Variants in CFAP20DC observed in about 807,000 individuals in gnomAD.
CFAP20DC encodes the protein protein CFAP20DC.
A neutral mutation model predicts 101.7 loss-of-function variants in CFAP20DC; 84 were observed. The observed-to-expected ratio is 0.83, with a 90% CI of 0.69 to 0.99. CFAP20DC has a LOEUF of 0.99. Among genes scored for constraint, CFAP20DC ranks in the 50% least tolerant of loss-of-function variants. The pLI, the probability that CFAP20DC is intolerant of heterozygous loss-of-function variation, is 0.00. For missense variants in CFAP20DC, 1,007 were observed against 970.3 expected (o/e 1.04, Z -0.50); for synonymous variants, 359 against 351.2 (o/e 1.02, Z -0.25).
intron 4 of CFAP20DC, among the ~76,000 whole-genome samples, chr3:59,032,027 T>C (rs763699401): frequency 9.9e-5 from 15 of 152,144 alleles, no homozygotes; most frequent in Non-Finnish European, 2.1e-4. Context: ...GGTTGTACAA[T>C]GGGTGCAGCC....
In CFAP20DC at chr3:59,047,192, G is replaced by A; in HGVS notation, c.84C>T (p.Ile28=). The change falls in exon 2 of 17, where the codon ATC becomes ATT. Residue 28 remains isoleucine (I), a synonymous_variant. Transcript: ENST00000482387. ...TCCAAATCACAGATGGACTACCAAG[G>A]ATCTTCCATTTTGCTCCAGGATTTT... ...QGKNPGAKWK[I]LGSPSVIWKE... 6.5e-7 allele frequency: 1 copy of A among 1,534,998 alleles called. No individual in the cohort carries two copies. The highest frequency in any genetic ancestry group is 8.7e-7 in the Non-Finnish European group (1 of 1,146,050).
At chr3:58,885,689 C>T (rs2081569425) in intron 6 of CFAP20DC, among the ~76,000 whole-genome samples, 1 of 151,108 alleles carries the variant, frequency 6.6e-6, no homozygotes, top group Non-Finnish European at 1.5e-5. Flanking sequence ...TTAAAGCTTC[C>T]ACACGAGTGA....
rs1207072182 is a variant in CFAP20DC at position 58,981,814 on chromosome 3, A to G, written c.279-44052T>C. On this transcript the variant is annotated intron_variant, in intron 4 of 16. Transcript: ENST00000482387. ...AGGCATGGGCAAGGACTTCATGTCTAAAACACCAAAAGCAATGGCAACAAA... is the reference window on the plus strand; with the variant it reads ...AGGCATGGGCAAGGACTTCATGTCTGAAACACCAAAAGCAATGGCAACAAA... Among the ~76,000 whole-genome samples the G allele has an allele frequency of 1.1e-4, 16 of 152,272 alleles. No homozygotes were observed. The East Asian group carries it at 2.5e-3, about 24-fold the overall frequency.
chr3:58,807,304 G>C (rs542467012), intron 14 of CFAP20DC, among the ~76,000 whole-genome samples: 122 of 152,282 alleles, frequency 8.0e-4, no homozygotes, highest in Middle Eastern at 3.4e-3. Context: ...CAGCCTAACT[G>C]GGAGGCACCC....
intron 6 of CFAP20DC, among the ~76,000 whole-genome samples, chr3:58,888,489 C>T (rs1316573083): frequency 6.6e-6 from 1 of 151,930 alleles, no homozygotes. Context: ...CAAGGTGGCT[C>T]GCTGCACAGA....
At position 58,863,925 on chromosome 3, in the gene CFAP20DC, C is replaced by A; in HGVS notation, c.1259-33G>T. ...TTGGAAAAGATGACAAAAATTAGAG[C>A]AGTAATCCATAAAAGTGTTATTTTT... On this transcript the variant is annotated intron_variant, in intron 11 of 16. Coordinates refer to ENST00000482387, the MANE Select transcript of CFAP20DC (RefSeq NM_001394063.1). The surrounding 1 kb of genome is among the most constrained non-coding windows in gnomAD (Gnocchi z 5.9). The A allele has an allele frequency of 3.2e-6, 5 of 1,562,904 alleles. No homozygotes were observed. The highest frequency in any genetic ancestry group is 4.3e-6 in the Non-Finnish European group (5 of 1,156,782).
At chr3:58,746,908 T>A (rs558867828) in intron 16 of CFAP20DC, among the ~76,000 whole-genome samples, 1 of 152,276 alleles carries the variant, frequency 6.6e-6, no homozygotes, top group South Asian at 2.1e-4. Flanking sequence ...GTAATGAAAT[T>A]ATAATATCAT....
Position 58,985,457 on chromosome 3 carries a change from C to A in CFAP20DC, c.279-47695G>T, listed in dbSNP as rs2092719249. On this transcript the variant is annotated intron_variant, in intron 4 of 16. Coordinates refer to ENST00000482387, the MANE Select transcript of CFAP20DC (RefSeq NM_001394063.1). ...AACACATCTTTAGAAAAATAACCAG[C>A]AATGTTATCTTCCTAATTCATAAAA... 2.0e-5 allele frequency among the ~76,000 whole-genome samples: 3 copies of A among 152,096 alleles called. No homozygotes were observed. The South Asian group carries it at 6.2e-4, about 32-fold the overall frequency.
chr3:58,819,319 C>CA (rs1283971511), intron 14 of CFAP20DC, among the ~76,000 whole-genome samples: 1 of 151,968 alleles, frequency 6.6e-6, no homozygotes, highest in Non-Finnish European at 1.5e-5. Context: ...AATAGAGACA[C>CA]AAAAAACCCT....
At chr3:59,016,312 G>A (rs1052285082) in intron 4 of CFAP20DC, among the ~76,000 whole-genome samples, 1 of 152,062 alleles carries the variant, frequency 6.6e-6, no homozygotes, top group Non-Finnish European at 1.5e-5. Flanking sequence ...GAAAGATGTT[G>A]TCACTCATAT....
intron 4 of CFAP20DC, among the ~76,000 whole-genome samples, chr3:58,981,588 G>C (rs1042370339): frequency 2.1e-4 from 32 of 152,266 alleles, no homozygotes; most frequent in African/African-American, 7.2e-4. Flanking sequence ...ACAAACCTGA[G>C]AAAAACAAGC....
At chr3:58,956,319 C>G (rs965386558) in intron 4 of CFAP20DC, among the ~76,000 whole-genome samples, 2 of 151,876 alleles carry the variant, frequency 1.3e-5, no homozygotes, top group Non-Finnish European at 2.9e-5. Flanking sequence ...AGGGTGAGTC[C>G]CAGACCAGGC....
intron 13 of CFAP20DC, among the ~76,000 whole-genome samples, chr3:58,847,317 A>C (rs200651091): frequency 0.077 from 11,387 of 147,658 alleles, 520 homozygotes; most frequent in East Asian, 0.22. Context: ...ACAAATTTAC[A>C]AGAAAAAAAC....
At chr3:58,994,048 A>G (rs1248078247) in intron 4 of CFAP20DC, among the ~76,000 whole-genome samples, 1 of 152,196 alleles carries the variant, frequency 6.6e-6, no homozygotes, top group Non-Finnish European at 1.5e-5. Context: ...CACCAACTTC[A>G]TGGTGAATTT....
chr3:58,999,437 C>G (rs905553704), intron 4 of CFAP20DC, among the ~76,000 whole-genome samples: 1 of 152,138 alleles, frequency 6.6e-6, no homozygotes, highest in Non-Finnish European at 1.5e-5. Flanking sequence ...CACTGACTAT[C>G]TGAATGTAAC....
At chr3:58,954,802 T>C (rs1436002999) in intron 4 of CFAP20DC, among the ~76,000 whole-genome samples, 1 of 152,220 alleles carries the variant, frequency 6.6e-6, no homozygotes, top group Non-Finnish European at 1.5e-5. Context: ...TTTCTTTTTT[T>C]AATGGTTAAC....
chr3:58,946,604 C>T (rs2089401264), intron 4 of CFAP20DC, among the ~76,000 whole-genome samples: 1 of 152,180 alleles, frequency 6.6e-6, no homozygotes, highest in Non-Finnish European at 1.5e-5. Context: ...TCGCCTGTCA[C>T]CACATTCCTG....
chr3:58,946,633 T>G (rs1415184940), intron 4 of CFAP20DC, among the ~76,000 whole-genome samples: 1 of 152,166 alleles, frequency 6.6e-6, no homozygotes, highest in Non-Finnish European at 1.5e-5. Flanking sequence ...CCTCTGCTCC[T>G]GTCAAACCCC....
intron 13 of CFAP20DC, among the ~76,000 whole-genome samples, chr3:58,839,193 G>C (rs184517149): frequency 6.6e-6 from 1 of 152,248 alleles, no homozygotes; most frequent in Non-Finnish European, 1.5e-5. Context: ...AGTGGCAAGA[G>C]AAGTTGTCAC....
Sources: gnomAD v4.1 joint callset for allele counts (sites outside exome capture counted in the v4.1 genomes callset) on GRCh38, gnomAD v4.1.1 for gene constraint, Gnocchi (gnomAD v3.1) non-coding constraint, MANE v1.5 for transcripts, NCBI Gene and HGNC (gene_info 2026-07-23, HGNC 2026-07-21) for gene names.